Variants in APTX observed in about 807,000 individuals in gnomAD.
The protein encoded by APTX is aprataxin.
Under a neutral mutation model 42.3 loss-of-function variants are expected in APTX, and 33 were observed. That is an observed-to-expected ratio of 0.78 (90% CI 0.59 to 1.04). The LOEUF (loss-of-function observed/expected upper bound fraction) is 1.04. Ranked by LOEUF, APTX falls within the 50% of genes least tolerant of loss-of-function variation. The pLI is 0.00. For synonymous variants in APTX, 130 were observed against 146.7 expected (o/e 0.89, Z 0.82); for missense variants, 421 against 415.1 (o/e 1.01, Z -0.12).
At chr9:33,001,657 C>G (rs562778798), upstream of APTX, 2 of 1,609,116 alleles carry the variant, frequency 1.2e-6, no homozygotes, top group Non-Finnish European at 1.7e-6. Context: ...CCGGCTGTAT[C>G]GCGACCAGTG....
chr9:32,985,963 A>AT lies in APTX; in HGVS notation c.543+7dup, dbSNP rs1831904556. The stretch of plus-strand genomic sequence containing the variant: ...AAATGTACTGAAATTCCAAAATTGT[A>AT]TTCTGACCTGCATTTTGGGGTCCTG... On this transcript the variant is annotated splice_region_variant and intron_variant, in intron 5 of 7. Transcript: ENST00000379817. 1.3e-6 allele frequency: 2 copies of AT among 1,565,342 alleles called. No individual in the cohort carries two copies. Among genetic ancestry groups the AT allele is most frequent in the African/African-American group, 2.8e-5 (2 of 70,678 alleles).
intron 2 of APTX, among the ~76,000 whole-genome samples, chr9:32,989,239 C>T (rs565961077): frequency 1.6e-4 from 25 of 152,238 alleles, no homozygotes; most frequent in Non-Finnish European, 3.1e-4. Context: ...GTGGGGGGGT[C>T]ACACTCCAGC....
At chr9:33,009,262 A>G (rs1837365966) in intron 1 of APTX, among the ~76,000 whole-genome samples, 1 of 151,310 alleles carries the variant, frequency 6.6e-6, no homozygotes, top group African/African-American at 2.5e-5. Context: ...GAAATTTCTT[A>G]TAAACATTAA....
chr9:33,008,776 T>C (rs1216987696), intron 1 of APTX, among the ~76,000 whole-genome samples: 1 of 152,190 alleles, frequency 6.6e-6, no homozygotes, highest in Non-Finnish European at 1.5e-5. Flanking sequence ...GGTATCGAAC[T>C]CCTGACCTCA....
chr9:33,012,283 A>G (rs561021436), intron 1 of APTX, among the ~76,000 whole-genome samples: 2 of 152,192 alleles, frequency 1.3e-5, no homozygotes, highest in South Asian at 2.1e-4. Flanking sequence ...TATAGCATAC[A>G]TGATTAAAGA....
rs187923222 is a variant in APTX, at chr9:33,016,336, G to A, written c.-5+8687C>T. On this transcript the variant is annotated intron_variant, in intron 1 of 6. Transcript: ENST00000436040. The stretch of plus-strand genomic sequence containing the variant: ...TCAATTTTAGCTTTTTTTCTTAAGC[G>A]TTTTAGCCATGTAAAAATTCATTTC... 4.6e-5 allele frequency: 7 copies of A among 152,252 alleles called. No individual in the cohort carries two copies. The East Asian group carries it at 9.6e-4, about 21-fold the overall frequency. The allele number at this position is 152,252 out of a possible 1,614,324, so 9.4% of individuals were successfully genotyped here. A position where few individuals can be genotyped will look rare whatever the true frequency, so the allele number is the denominator to read the frequency against.
rs538895091 is a variant in APTX, at chr9:33,010,904, G to A, written c.-5+14119C>T. ...CGCCTGTAATCCCAACACGTTGGGA[G>A]GCCAAGGCAGGTGGATTGCCTGAGC... is the stretch of plus-strand genomic sequence containing the variant. On this transcript the variant is annotated intron_variant, in intron 1 of 6. Coordinates refer to the APTX transcript ENST00000436040. Among the ~76,000 whole-genome samples the A allele has an allele frequency of 1.9e-3, 291 of 152,002 alleles. 1 individual carries two copies. Among genetic ancestry groups the A allele is most frequent in the Admixed American group, 4.0e-3 (61 of 15,280 alleles).
chr9:33,013,997 C>A (rs1028256579), intron 1 of APTX, among the ~76,000 whole-genome samples: 1 of 152,230 alleles, frequency 6.6e-6, no homozygotes, highest in African/African-American at 2.4e-5. Context: ...CTCAACCCAA[C>A]TGCAATATCC....
In APTX at chr9:32,994,816, C is replaced by T. The variant is rs189464776; in HGVS notation, c.-4-4921G>A. Among the ~76,000 whole-genome samples the T allele has an allele frequency of 6.6e-5, 10 of 152,280 alleles. No homozygotes were observed. The East Asian group carries it at 1.9e-3, about 29-fold the overall frequency. On this transcript the variant is annotated intron_variant, in intron 1 of 7. Coordinates refer to ENST00000379817, the MANE Select transcript of APTX (RefSeq NM_001195248.2). The stretch of plus-strand genomic sequence containing the variant: ...CTTCAAAGCTTCAAGGACAGGCTGT[C>T]TTGTTAGGGACTAATGCAGATGGAG...
At chr9:33,021,810 G>T (rs144701291) in intron 1 of APTX, among the ~76,000 whole-genome samples, 44 of 152,174 alleles carry the variant, frequency 2.9e-4, no homozygotes, top group Non-Finnish European at 5.6e-4. Flanking sequence ...CTTTCAGATG[G>T]AATAAAAAAT....
At chr9:32,991,727 A>G (rs1269597763) in intron 1 of APTX, among the ~76,000 whole-genome samples, 3 of 151,848 alleles carry the variant, frequency 2.0e-5, no homozygotes, top group South Asian at 2.1e-4. Context: ...CAGTGAGCAG[A>G]GATCGCACCA....
At chr9:32,989,288 G>T (rs1046885781) in intron 2 of APTX, among the ~76,000 whole-genome samples, 1 of 152,138 alleles carries the variant, frequency 6.6e-6, no homozygotes, top group Admixed American at 6.6e-5. Flanking sequence ...CAAGGTACAT[G>T]GTAAGGATTT....
intron 1 of APTX, among the ~76,000 whole-genome samples, chr9:32,999,495 A>G (rs1361617091): frequency 6.6e-6 from 1 of 152,268 alleles, no homozygotes; most frequent in Admixed American, 6.5e-5. Flanking sequence ...AATGAAAACA[A>G]GGTCTCATAA....
At chr9:33,006,470 C>T (rs185792428), upstream of APTX, among the ~76,000 whole-genome samples, 1 of 152,204 alleles carries the variant, frequency 6.6e-6, no homozygotes, top group Admixed American at 6.5e-5. Context: ...TTTTGAGACT[C>T]CTGCTCTAAG....
Position 33,012,504 on chromosome 9 carries a change from T to C in APTX, c.-5+12519A>G, listed in dbSNP as rs116415442. Among the ~76,000 whole-genome samples, 249 of 152,270 alleles carry C rather than the reference T, an allele frequency of 1.6e-3. 1 individual carries two copies. The highest frequency in any genetic ancestry group is 5.8e-3 in the African/African-American group (239 of 41,550). On this transcript the variant is annotated intron_variant, in intron 1 of 6. Coordinates refer to the APTX transcript ENST00000436040. ...ATACAAGCAGAACCTTAATAACTGCTTACACATTGTGGCCTATCCTCTGGG... is the reference window on the plus strand; with the variant it reads ...ATACAAGCAGAACCTTAATAACTGCCTACACATTGTGGCCTATCCTCTGGG...
intron 6 of APTX, among the ~76,000 whole-genome samples, chr9:32,982,395 G>A (rs1391970381): frequency 6.6e-6 from 1 of 152,044 alleles, no homozygotes; most frequent in African/African-American, 2.4e-5. Flanking sequence ...TTCAAATAAG[G>A]TCTACAGTTT....
chr9:32,991,763 C>G (rs1833699609), intron 1 of APTX, among the ~76,000 whole-genome samples: 1 of 141,420 alleles, frequency 7.1e-6, no homozygotes, highest in African/African-American at 2.6e-5. Flanking sequence ...GGCGATAGGG[C>G]AAGGCTCCAT....
upstream of APTX, among the ~76,000 whole-genome samples, chr9:33,005,856 G>C (rs939959236): frequency 6.6e-6 from 1 of 152,092 alleles, no homozygotes; most frequent in African/African-American, 2.4e-5. Context: ...GAATGGTATT[G>C]ACATACTTAC....
At chr9:32,985,843 G>C in intron 5 of APTX, 128 bp downstream of exon 5, 1 of 911,148 alleles carries the variant, frequency 1.1e-6, no homozygotes, top group South Asian at 1.4e-5. Flanking sequence ...TGTTCTCACA[G>C]AACAGCCCAA....
Sources: allele counts gnomAD v4.1 joint callset (sites outside exome capture counted in the v4.1 genomes callset), GRCh38; gene constraint gnomAD v4.1.1; transcripts MANE v1.5; gene names NCBI Gene and HGNC (gene_info 2026-07-23, HGNC 2026-07-21).